ZNF385D: variants seen among roughly 807,000 people sequenced by gnomAD.
The protein encoded by ZNF385D is zinc finger protein 385D.
Under a neutral mutation model 35.8 loss-of-function variants are expected in ZNF385D, and 15 were observed. The ratio of observed to expected loss-of-function variants is 0.42; its 90% CI spans 0.28 to 0.64. The LOEUF (loss-of-function observed/expected upper bound fraction) is 0.64. Among genes scored for constraint, ZNF385D ranks in the 30% least tolerant of loss-of-function variants. ZNF385D has a pLI of 0.23. For synonymous variants in ZNF385D, 212 were observed against 186.8 expected (o/e 1.13, Z -1.10); for missense variants, 474 against 494.6 (o/e 0.96, Z 0.39).
chr3:21,684,407 CTCTCTCTCTCTCTCTCTCTCTCTCCT>C (rs2067033473), intron 1 of ZNF385D, among the ~76,000 whole-genome samples: 2 of 50,874 alleles, frequency 3.9e-5, no homozygotes, highest in African/African-American at 2.2e-4. Flanking sequence ...TCTCTCTCCT[CTCTCTCTCTCTCTCTCTCTCTCTCCT>C]CTCTCTCTTT....
chr3:21,955,877 A>G (rs1466250825), intron 3 of ZNF385D, among the ~76,000 whole-genome samples: 1 of 152,084 alleles, frequency 6.6e-6, no homozygotes, highest in East Asian at 1.9e-4. Flanking sequence ...GTGGTTTTTC[A>G]CAAGTAGGTA....
At chr3:22,154,854 C>A (rs1318806877) in intron 3 of ZNF385D, among the ~76,000 whole-genome samples, 2 of 151,930 alleles carry the variant, frequency 1.3e-5, no homozygotes, top group African/African-American at 2.4e-5. Context: ...CTAATAACAC[C>A]ACCTCTCCAC....
chr3:21,612,167 C>T (rs1222712678), intron 2 of ZNF385D, among the ~76,000 whole-genome samples: 6 of 152,174 alleles, frequency 3.9e-5, no homozygotes, highest in Non-Finnish European at 8.8e-5. Context: ...CAACCTCCGC[C>T]TCCCAGGTCC....
chr3:21,913,495 C>T (rs1360449185), intron 3 of ZNF385D, among the ~76,000 whole-genome samples: 1 of 152,072 alleles, frequency 6.6e-6, no homozygotes, highest in African/African-American at 2.4e-5. Context: ...AGGTATTATG[C>T]TCATCCTTAC....
chr3:22,096,320 T>A (rs1701621058), intron 3 of ZNF385D, among the ~76,000 whole-genome samples: 1 of 136,254 alleles, frequency 7.3e-6, no homozygotes, highest in Non-Finnish European at 1.6e-5. Context: ...AATCTAAAAG[T>A]TGAAACTATT....
intron 3 of ZNF385D, among the ~76,000 whole-genome samples, chr3:21,800,997 C>T (rs1017627033): frequency 6.6e-6 from 1 of 152,026 alleles, no homozygotes; most frequent in Admixed American, 6.6e-5. Flanking sequence ...CTTAAATGCC[C>T]TTTACCATAT....
chr3:21,748,895 A>G (rs2069915126), intron 1 of ZNF385D, among the ~76,000 whole-genome samples: 4 of 152,142 alleles, frequency 2.6e-5, no homozygotes, highest in Admixed American at 2.6e-4. Context: ...GTACTGCTCA[A>G]TTCTTTTTGC....
chr3:22,136,258 T>C (rs112096657), intron 3 of ZNF385D, among the ~76,000 whole-genome samples: 140 of 152,208 alleles, frequency 9.2e-4, no homozygotes, highest in African/African-American at 3.2e-3. Context: ...CATCATGGCA[T>C]AGGCCTGTAG....
At chr3:21,752,741 A>G (rs1415237676), upstream of ZNF385D, among the ~76,000 whole-genome samples, 4 of 152,122 alleles carry the variant, frequency 2.6e-5, no homozygotes, top group African/African-American at 9.7e-5. Flanking sequence ...TTTACATAGT[A>G]AAGGATATTA....
intron 2 of ZNF385D, among the ~76,000 whole-genome samples, chr3:22,171,627 A>C (rs574117838): frequency 1.4e-4 from 21 of 152,310 alleles, no homozygotes; most frequent in African/African-American, 4.8e-4. Flanking sequence ...CTGTAATCCC[A>C]GCACTTTGGG....
intron 3 of ZNF385D, among the ~76,000 whole-genome samples, chr3:21,991,450 A>T (rs1276258917): frequency 1.3e-5 from 2 of 152,214 alleles, no homozygotes; most frequent in South Asian, 4.1e-4. Flanking sequence ...CATTTGGGGT[A>T]TGTATGTGTG....
Position 21,812,538 on chromosome 3 carries a change from A to T in ZNF385D, c.326-147510T>A, listed in dbSNP as rs141495379. 6.5e-4 allele frequency among the ~76,000 whole-genome samples: 99 copies of T among 152,376 alleles called. 1 individual carries two copies. The highest frequency in any genetic ancestry group is 2.3e-3 in the African/African-American group (96 of 41,598). ...CAACAGTCTTAGCAAATGGCACACC[A>T]GGAGGTTATATCCCATGCCTGGCTT... On this transcript the variant is annotated intron_variant, in intron 3 of 5. Transcript: ENST00000494108.
intron 3 of ZNF385D, among the ~76,000 whole-genome samples, chr3:21,881,743 G>A (rs562700430): frequency 7.9e-5 from 12 of 152,066 alleles, no homozygotes; most frequent in African/African-American, 2.9e-4. Context: ...AAACCTTCTG[G>A]AAAGGACTCA....
chr3:21,969,737 G>C (rs1576038713), intron 3 of ZNF385D, among the ~76,000 whole-genome samples: 2 of 152,262 alleles, frequency 1.3e-5, no homozygotes, highest in East Asian at 3.9e-4. Flanking sequence ...AGTCACCATA[G>C]GCCTTGGGCA....
At chr3:21,811,697 A>G (rs1482523772) in intron 3 of ZNF385D, among the ~76,000 whole-genome samples, 2 of 152,214 alleles carry the variant, frequency 1.3e-5, no homozygotes, top group African/African-American at 4.8e-5. Context: ...TCATTATCAA[A>G]TCAAACACTT....
upstream of ZNF385D, chr3:21,751,379 A>T: frequency 1.9e-6 from 2 of 1,039,622 alleles, no homozygotes; most frequent in South Asian, 3.4e-5. Flanking sequence ...AGGCTCTCTT[A>T]AAGCGAGAAG....
chr3:21,895,566 C>T (rs1699093748), intron 3 of ZNF385D, among the ~76,000 whole-genome samples: 1 of 150,836 alleles, frequency 6.6e-6, no homozygotes, highest in Non-Finnish European at 1.5e-5. Context: ...GTCTCAAACC[C>T]CTGACCTCAA....
chr3:22,080,581 A>G (rs1277419074), intron 3 of ZNF385D, among the ~76,000 whole-genome samples: 2 of 152,000 alleles, frequency 1.3e-5, no homozygotes, highest in African/African-American at 2.4e-5. Flanking sequence ...TACAGATTTT[A>G]TATATAAAAA....
At chr3:21,866,130 T>G (rs1697340654) in intron 3 of ZNF385D, among the ~76,000 whole-genome samples, 1 of 151,996 alleles carries the variant, frequency 6.6e-6, no homozygotes, top group South Asian at 2.1e-4. Context: ...AAAAATAGTT[T>G]TATTTTGATT....
Sources: allele counts gnomAD v4.1 joint callset (sites outside exome capture counted in the v4.1 genomes callset), GRCh38; gene constraint gnomAD v4.1.1; transcripts MANE v1.5; gene names NCBI Gene and HGNC (gene_info 2026-07-23, HGNC 2026-07-21).